The following GPD2 variants were observed in gnomAD, a reference collection of about 807,000 sequenced individuals.
The protein encoded by GPD2 is glycerol-3-phosphate dehydrogenase, mitochondrial.
A neutral mutation model predicts 82.4 loss-of-function variants in GPD2; 54 were observed. That is an observed-to-expected ratio of 0.66 (90% CI 0.53 to 0.82). The LOEUF (loss-of-function observed/expected upper bound fraction) is 0.82, where lower values mean the gene tolerates loss of function less well. Among genes scored for constraint, GPD2 ranks in the 40% least tolerant of loss-of-function variants. GPD2 has a pLI of 0.00. For missense variants in GPD2, 748 were observed against 896.2 expected, an observed-to-expected ratio of 0.83 and a Z score of 2.11; for synonymous variants, 288 against 306.1, an observed-to-expected ratio of 0.94 and a Z score of 0.62.
At chr2:156,405,080 A>G in the GPD2 span, among the ~76,000 whole-genome samples, 2 of 152,162 alleles carry the variant, frequency 1.3e-5, no homozygotes, top group African/African-American at 2.4e-5. Context: ...AAATCCATTC[A>G]AGAGGTAGTT....
chr2:156,441,131 A>G (rs1055268771), intron 1 of GPD2, among the ~76,000 whole-genome samples: 1 of 152,208 alleles, frequency 6.6e-6, no homozygotes, highest in Non-Finnish European at 1.5e-5. Flanking sequence ...TGAGTTGGTG[A>G]ATACATGGAG....
At chr2:156,502,893 A>AT (rs917720241) in intron 3 of GPD2, among the ~76,000 whole-genome samples, 1 of 151,094 alleles carries the variant, frequency 6.6e-6, no homozygotes, top group Non-Finnish European at 1.5e-5. Context: ...TTTGCTTTGT[A>AT]TTTTTTTTAA....
intron 2 of GPD2, among the ~76,000 whole-genome samples, chr2:156,484,259 C>A (rs566131861): frequency 6.6e-6 from 1 of 152,016 alleles, no homozygotes; most frequent in Non-Finnish European, 1.5e-5. Flanking sequence ...CCTCAGCCCC[C>A]CAACTAGCTG....
At chr2:156,464,310 T>G in intron 1 of GPD2, among the ~76,000 whole-genome samples, 1 of 152,242 alleles carries the variant, frequency 6.6e-6, no homozygotes, top group East Asian at 1.9e-4. Flanking sequence ...CTAAATATTC[T>G]AATACATGAT....
chr2:156,438,166 AT>A (rs1682017862), intron 1 of GPD2, among the ~76,000 whole-genome samples: 1 of 152,210 alleles, frequency 6.6e-6, no homozygotes, highest in South Asian at 2.1e-4. Context: ...TGTTTTCTCA[AT>A]GAGCGACTGA....
Position 156,586,057 on chromosome 2 carries a change from A to T in GPD2, c.*3139A>T, listed in dbSNP as rs1463757516. On this transcript the variant is annotated 3_prime_UTR_variant, in exon 17 of 17. Transcript: ENST00000438166. ...ACTTTTGATACACAGAATGAGCTGC[A>T]TGCATTTATAGAGCAATAAGAGGAT... The T allele has an allele frequency of 1.3e-5, 2 of 152,422 alleles. No homozygotes were observed. Among genetic ancestry groups the T allele is most frequent in the Non-Finnish European group, 2.9e-5 (2 of 67,936 alleles). 9.4% of individuals were successfully genotyped at this position (152,422 alleles called of 1,614,324 possible). A position where few individuals can be genotyped will look rare whatever the true frequency, so the allele number is the denominator to read the frequency against.
chr2:156,413,248 G>A, the GPD2 span, among the ~76,000 whole-genome samples: 1 of 152,016 alleles, frequency 6.6e-6, no homozygotes, highest in Non-Finnish European at 1.5e-5. Context: ...CATAACCTTT[G>A]CTTATTCTTT....
rs1352236983 is a variant in GPD2 at position 156,583,083 on chromosome 2, A to T, written c.*165A>T. On this transcript the variant is annotated 3_prime_UTR_variant, in exon 17 of 17. Transcript: ENST00000438166. ...AGGTGTTGGTGTATTTGCCAGCTTTATTTGCTGTACTTTATTTGTATTTGC... is the reference window on the plus strand; with the variant it reads ...AGGTGTTGGTGTATTTGCCAGCTTTTTTTGCTGTACTTTATTTGTATTTGC... The T allele has an allele frequency of 1.4e-6, 1 of 729,180 alleles. No homozygotes were observed. The highest frequency in any genetic ancestry group is 2.4e-6 in the Non-Finnish European group (1 of 418,464). 45.2% of individuals were successfully genotyped at this position (729,180 alleles called of 1,614,324 possible).
At chr2:156,552,500 A>G (rs902950020) in intron 8 of GPD2, among the ~76,000 whole-genome samples, 1 of 152,194 alleles carries the variant, frequency 6.6e-6, no homozygotes, top group Non-Finnish European at 1.5e-5. Context: ...GTTTTTAAGT[A>G]TCTCTAAGAA....
At chr2:156,579,025 A>ATC (rs893639533) in intron 14 of GPD2, 24 bp downstream of exon 14, 1 of 1,546,396 alleles carries the variant, frequency 6.5e-7, no homozygotes, top group East Asian at 2.2e-5. Context: ...GTGTCTATCT[A>ATC]TCTCTCTTTT....
chr2:156,509,885 G>T (rs212905), intron 3 of GPD2, among the ~76,000 whole-genome samples: 106,026 of 151,058 alleles, frequency 0.7, 37,347 homozygotes, highest in Middle Eastern at 0.82. Flanking sequence ...GCGATTCTCC[G>T]GCCTCAGCCT....
intron 3 of GPD2, among the ~76,000 whole-genome samples, chr2:156,499,429 G>A (rs78262703): frequency 0.015 from 2,217 of 152,186 alleles, 26 homozygotes; most frequent in Non-Finnish European, 0.019. Context: ...TGTAGGCCTG[G>A]AGCTGATAAG....
chr2:156,550,872 G>T (rs1177147096), intron 8 of GPD2, 126 bp downstream of exon 8: 1 of 833,150 alleles, frequency 1.2e-6, no homozygotes, highest in African/African-American at 1.7e-5. Context: ...GGAGAAATAA[G>T]TAAAGGAACT....
intron 9 of GPD2, among the ~76,000 whole-genome samples, chr2:156,563,962 C>T (rs62176618): frequency 6.6e-5 from 10 of 152,020 alleles, no homozygotes; most frequent in African/African-American, 2.4e-4. Context: ...TAATGGCTAG[C>T]GAATTGGATC....
the GPD2 span, among the ~76,000 whole-genome samples, chr2:156,428,980 G>A: frequency 6.6e-6 from 1 of 152,210 alleles, no homozygotes; most frequent in Non-Finnish European, 1.5e-5. Context: ...ATGCCTACAT[G>A]TTTGAAGGCT....
chr2:156,530,258 A>G (rs1685796163), intron 6 of GPD2, among the ~76,000 whole-genome samples: 1 of 82,936 alleles, frequency 1.2e-5, no homozygotes, highest in Non-Finnish European at 2.7e-5. Flanking sequence ...GTTGGTGTAT[A>G]AGAATGCTTG....
At chr2:156,425,986 C>A in the GPD2 span, among the ~76,000 whole-genome samples, 2 of 150,936 alleles carry the variant, frequency 1.3e-5, no homozygotes, top group African/African-American at 4.9e-5. Context: ...GCAGTGGCGC[C>A]ATCTCGGCTC....
chr2:156,420,927 A>T, the GPD2 span, among the ~76,000 whole-genome samples: 4 of 152,214 alleles, frequency 2.6e-5, no homozygotes, highest in South Asian at 8.3e-4. Flanking sequence ...AAACAAATGG[A>T]TGGGACCTGT....
intron 6 of GPD2, among the ~76,000 whole-genome samples, chr2:156,539,959 G>A (rs538250115): frequency 6.6e-6 from 1 of 152,168 alleles, no homozygotes; most frequent in African/African-American, 2.4e-5. Context: ...CTTGTGGCTC[G>A]AGGAATGAGG....
Sources: gnomAD v4.1 joint callset for allele counts (sites outside exome capture counted in the v4.1 genomes callset) on GRCh38, gnomAD v4.1.1 for gene constraint, MANE v1.5 for transcripts, NCBI Gene and HGNC (gene_info 2026-07-23, HGNC 2026-07-21) for gene names.